The following GRID2IP variants were observed in gnomAD, a reference collection of about 807,000 sequenced individuals.
GRID2IP encodes the protein Grid2 interacting protein.
In GRID2IP, 78 loss-of-function variants were observed where a neutral mutation model predicts 114.3. The observed-to-expected ratio is 0.68, with a 90% CI of 0.57 to 0.82. The LOEUF (loss-of-function observed/expected upper bound fraction) is 0.82, where lower values mean the gene tolerates loss of function less well. Ranked by LOEUF, GRID2IP falls within the 40% of genes least tolerant of loss-of-function variation. The pLI is 0.00. For missense variants in GRID2IP, 1,727 were observed against 1,678.5 expected, an observed-to-expected ratio of 1.03 and a Z score of -0.51; for synonymous variants, 809 against 724.0, an observed-to-expected ratio of 1.12 and a Z score of -1.89.
chr7:6,498,008 T>A (rs1786305622), intron 21 of GRID2IP, 56 bp downstream of exon 21: 1 of 1,474,902 alleles, frequency 6.8e-7, no homozygotes, highest in East Asian at 2.5e-5. Flanking sequence ...TCCCTTCATT[T>A]GGCCTCTGGC....
Position 6,501,970 on chromosome 7 carries a change from A to G in GRID2IP, c.3280+19T>C. On this transcript the variant is annotated intron_variant, in intron 19 of 21. Transcript: ENST00000457091. Reference sequence around the variant, plus strand: ...CAGGACAGCATGCCTCTGCCTCCCCATCCACCCACCCAGCATACCTTTGGC... The same window carrying G: ...CAGGACAGCATGCCTCTGCCTCCCCGTCCACCCACCCAGCATACCTTTGGC... The G allele has an allele frequency of 1.3e-6, 2 of 1,550,838 alleles. No individual in the cohort carries two copies. Among genetic ancestry groups the G allele is most frequent in the Non-Finnish European group, 1.7e-6 (2 of 1,146,564 alleles).
chr7:6,542,905 A>C (rs1347559144), intron 1 of GRID2IP, among the ~76,000 whole-genome samples: 4 of 152,110 alleles, frequency 2.6e-5, no homozygotes, highest in African/African-American at 9.7e-5. Context: ...TGACAGCTGG[A>C]GCTGACCCTG....
rs375280849 is a variant in GRID2IP, at chr7:6,530,761, C to T, written c.585-3992G>A. 1.2e-4 allele frequency among the ~76,000 whole-genome samples: 18 copies of T among 152,352 alleles called. No homozygotes were observed. The East Asian group carries it at 2.7e-3, about 23-fold the overall frequency. ...CAGTCTCGGCCCTCTGTCCTGTCCC[C>T]TCGACCAGCCCAATTGTAGGAAGGA... On this transcript the variant is annotated intron_variant, in intron 2 of 21. Transcript: ENST00000457091.
At chr7:6,524,715 A>G (rs1779475878) in intron 4 of GRID2IP, among the ~76,000 whole-genome samples, 2 of 151,036 alleles carry the variant, frequency 1.3e-5, no homozygotes, top group African/African-American at 4.9e-5. Context: ...GGGAGACCTC[A>G]TCTCTCGTTT....
intron 15 of GRID2IP, 117 bp downstream of exon 15, chr7:6,504,676 C>A: frequency 1.3e-6 from 1 of 778,208 alleles, no homozygotes. Flanking sequence ...CCGCGCTGAG[C>A]GACAGGAGGC....
intron 20 of GRID2IP, among the ~76,000 whole-genome samples, 185 bp downstream of exon 20, chr7:6,501,592 CTCAA>C (rs373342485): frequency 0.013 from 1,939 of 152,144 alleles, 23 homozygotes; most frequent in Non-Finnish European, 0.02. Context: ...GAGACCCTGC[CTCAA>C]TCAATCAATC....
rs1245912200 is a variant in GRID2IP, at chr7:6,520,621, G to A, written c.1225C>T (p.Arg409Cys). 23 of 1,551,588 alleles carry A rather than the reference G, an allele frequency of 1.5e-5. No individual in the cohort carries two copies. Among genetic ancestry groups the A allele is most frequent in the Non-Finnish European group, 1.8e-5 (21 of 1,146,994 alleles). ...QLEHLLTPPERYGVCRALESF... is the reference protein window; with the variant it reads ...QLEHLLTPPECYGVCRALESF... The stretch of plus-strand genomic sequence containing the variant: ...TCGAGGGCCCGGCAGACCCCATAGC[G>A]CTCAGGAGGTGTGAGTAGGTGCTCC... The change falls in exon 7 of 22, where the codon CGC becomes TGC. Residue 409 changes from arginine to cysteine, a missense_variant. Coordinates refer to ENST00000457091, the MANE Select transcript of GRID2IP (RefSeq NM_001145118.2). This position sits in a 1 kb window ranked among gnomAD's most constrained non-coding sequence, Gnocchi z 4.6.
rs1779553346 is a variant in GRID2IP, at chr7:6,528,218, T to C, written c.585-1449A>G. On this transcript the variant is annotated intron_variant, in intron 2 of 21. Transcript: ENST00000457091. The surrounding 1 kb of genome is among the most constrained non-coding windows in gnomAD (Gnocchi z 6.0). ...AGCCTTGGAAGCTTTCCGGGGGTTA[T>C]GTCTATAGTTCAATCCTGAGCCACA... is the stretch of plus-strand genomic sequence containing the variant. Among the ~76,000 whole-genome samples, 1 of 152,138 alleles carries C rather than the reference T, an allele frequency of 6.6e-6. No individual in the cohort carries two copies. Among genetic ancestry groups the C allele is most frequent in the Non-Finnish European group, 1.5e-5 (1 of 68,036 alleles).
chr7:6,514,593 G>T, intron 7 of GRID2IP, 64 bp from the exon 8 acceptor site: 1 of 1,375,070 alleles, frequency 7.3e-7, no homozygotes, highest in Non-Finnish European at 9.5e-7. Context: ...CACAGAGTGG[G>T]GGTAGACAAG....
intron 7 of GRID2IP, among the ~76,000 whole-genome samples, chr7:6,518,757 AAAAG>A (rs1275978153): frequency 6.6e-6 from 1 of 152,138 alleles, no homozygotes; most frequent in African/African-American, 2.4e-5. Flanking sequence ...AAAATTAAAA[AAAAG>A]AAACTAGCAA....
intron 1 of GRID2IP, among the ~76,000 whole-genome samples, chr7:6,549,787 G>GT (rs1779942273): frequency 6.7e-6 from 1 of 149,786 alleles, no homozygotes; most frequent in African/African-American, 2.5e-5. Flanking sequence ...ACACCTGGCT[G>GT]GTTTTTTTTT....
Position 6,520,590 on chromosome 7 carries a change from A to C in GRID2IP, c.1256T>G (p.Phe419Cys). ...TTGGCCCGGCCACCTGTGCTGGAAG[A>C]AGCTCTCGAGGGCCCGGCAGACCCC... ...RYGVCRALES[F>C]FQHRNIDTLI... The change falls in exon 7 of 22, where the codon TTC becomes TGC. Residue 419 changes from phenylalanine (F) to cysteine (C), a missense_variant. By Grantham distance (205) the Phe-to-Cys change is radical. Transcript: ENST00000457091. The surrounding 1 kb of genome is among the most constrained non-coding windows in gnomAD (Gnocchi z 4.6). The C allele has an allele frequency of 6.4e-7, 1 of 1,551,090 alleles. No homozygotes were observed. Among genetic ancestry groups the C allele is most frequent in the Non-Finnish European group, 8.7e-7 (1 of 1,146,558 alleles).
chr7:6,517,430 G>C (rs1779331286), intron 7 of GRID2IP, among the ~76,000 whole-genome samples: 1 of 152,042 alleles, frequency 6.6e-6, no homozygotes, highest in South Asian at 2.1e-4. Flanking sequence ...TGTAGGGCTG[G>C]ACCCTACACA....
chr7:6,543,465 T>C (rs1450301637), intron 1 of GRID2IP, among the ~76,000 whole-genome samples: 3 of 151,576 alleles, frequency 2.0e-5, no homozygotes, highest in Non-Finnish European at 2.9e-5. Context: ...CCATTCCCAG[T>C]CTCCACCCCT....
chr7:6,537,398 G>C (rs1425368349), intron 2 of GRID2IP, among the ~76,000 whole-genome samples: 1 of 65,084 alleles, frequency 1.5e-5, no homozygotes, highest in Non-Finnish European at 3.0e-5. Context: ...TTTTTTTTGA[G>C]ACAGAGTCTT....
chr7:6,539,789 C>T lies in GRID2IP; in HGVS notation c.513G>A (p.Val171=), dbSNP rs1287830090. The change falls in exon 2 of 22, where the codon GTG becomes GTA. Residue 171 remains valine, a synonymous_variant. Coordinates refer to ENST00000457091, the MANE Select transcript of GRID2IP (RefSeq NM_001145118.2). ...GGGTGAGAGTCCACACCAGATCATCCACCCGCTGCTCAGCTGCAAACTGCT... is the reference window on the plus strand; with the variant it reads ...GGGTGAGAGTCCACACCAGATCATCTACCCGCTGCTCAGCTGCAAACTGCT... ...ALKQFAAEQR[V]DDLVWTLTLA... 1.9e-6 allele frequency: 3 copies of T among 1,550,674 alleles called. No homozygotes were observed. Among genetic ancestry groups the T allele is most frequent in the African/African-American group, 2.7e-5 (2 of 73,012 alleles).
intron 4 of GRID2IP, 56 bp from the exon 5 acceptor site, chr7:6,522,013 G>T: frequency 7.3e-7 from 1 of 1,360,876 alleles, no homozygotes; most frequent in Non-Finnish European, 1.0e-6. Context: ...CACTTTGAGA[G>T]CAGGATGCTA....
chr7:6,501,470 G>C (rs952604081), intron 20 of GRID2IP, among the ~76,000 whole-genome samples: 2 of 152,344 alleles, frequency 1.3e-5, no homozygotes, highest in Admixed American at 6.5e-5. Context: ...GGGAGGCTGA[G>C]GCAGGCAGAT....
At chr7:6,535,088 T>C (rs372066061) in intron 2 of GRID2IP, among the ~76,000 whole-genome samples, 2 of 152,218 alleles carry the variant, frequency 1.3e-5, no homozygotes, top group African/African-American at 4.8e-5. Flanking sequence ...TTTCTCCATG[T>C]TGGTCAGGCT....
Sources: allele counts gnomAD v4.1 joint callset (sites outside exome capture counted in the v4.1 genomes callset), GRCh38; gene constraint gnomAD v4.1.1; non-coding constraint Gnocchi (gnomAD v3.1); transcripts MANE v1.5; gene names NCBI Gene and HGNC (gene_info 2026-07-23, HGNC 2026-07-21).